ANKRD30B: variants seen among roughly 807,000 people sequenced by gnomAD.
The protein encoded by ANKRD30B is ankyrin repeat domain-containing protein 30B.
A neutral mutation model predicts 202.2 loss-of-function variants in ANKRD30B; 144 were observed. That is an observed-to-expected ratio of 0.71 (90% confidence interval 0.62 to 0.82). ANKRD30B has a LOEUF of 0.82. Ranked by LOEUF, ANKRD30B falls within the 40% of genes least tolerant of loss-of-function variation. ANKRD30B has a pLI of 0.00. For synonymous variants in ANKRD30B, 508 were observed against 561.3 expected (o/e 0.91, Z 1.34); for missense variants, 1,487 against 1,669.1 (o/e 0.89, Z 1.90).
intron 16 of ANKRD30B, among the ~76,000 whole-genome samples, 176 bp downstream of exon 16, chr18:14,791,667 T>A (rs977003554): frequency 2.6e-4 from 40 of 152,076 alleles, no homozygotes; most frequent in African/African-American, 8.5e-4. Context: ...CAGAGTATAT[T>A]GAGAGTGCTG....
chr18:14,914,189 T>A, the ANKRD30B span, among the ~76,000 whole-genome samples: 2 of 152,244 alleles, frequency 1.3e-5, no homozygotes, highest in African/African-American at 4.8e-5. Context: ...TTATTAACAT[T>A]GATAATCTTT....
chr18:14,781,619 C>A (rs1253771239), intron 11 of ANKRD30B, among the ~76,000 whole-genome samples: 1 of 23,222 alleles, frequency 4.3e-5, no homozygotes, highest in Non-Finnish European at 1.1e-4. Flanking sequence ...TGCGGCAGCA[C>A]TCCTCTCCAG....
intron 9 of ANKRD30B, among the ~76,000 whole-genome samples, chr18:14,776,666 A>C (rs1967373773): frequency 6.6e-6 from 1 of 152,252 alleles, no homozygotes; most frequent in South Asian, 2.1e-4. Context: ...GGCATATGTT[A>C]GATGTTTCAC....
chr18:14,888,774 T>A, the ANKRD30B span: 21 of 1,127,916 alleles, frequency 1.9e-5, no homozygotes, highest in African/African-American at 2.1e-4. Flanking sequence ...CTTAGAGGAA[T>A]CCCCTTTTGA....
At chr18:14,787,566 G>A (rs1161426125) in intron 15 of ANKRD30B, among the ~76,000 whole-genome samples, 2 of 152,136 alleles carry the variant, frequency 1.3e-5, no homozygotes, top group African/African-American at 4.8e-5. Context: ...TATCTTTATT[G>A]TTCAGTATAG....
At chr18:14,766,180 A>G (rs751575189) in intron 7 of ANKRD30B, among the ~76,000 whole-genome samples, 2 of 152,078 alleles carry the variant, frequency 1.3e-5, no homozygotes, top group Non-Finnish European at 2.9e-5. Flanking sequence ...GGGAAGGAGT[A>G]GAAAATTGTC....
intron 9 of ANKRD30B, among the ~76,000 whole-genome samples, chr18:14,773,497 AT>A (rs1437201639): frequency 2.0e-5 from 3 of 152,200 alleles, no homozygotes; most frequent in African/African-American, 7.2e-5. Context: ...GCTTAAATTT[AT>A]ATTTTCTTTT....
chr18:14,804,609 T>G (rs983039655), intron 24 of ANKRD30B, among the ~76,000 whole-genome samples: 2 of 150,154 alleles, frequency 1.3e-5, no homozygotes, highest in African/African-American at 4.9e-5. Flanking sequence ...TGGGAAAAAA[T>G]GTGGAAGAAG....
downstream of ANKRD30B, among the ~76,000 whole-genome samples, chr18:14,858,762 G>C (rs1249044999): frequency 7.2e-6 from 1 of 139,072 alleles, no homozygotes; most frequent in Non-Finnish European, 1.6e-5. Flanking sequence ...CTCCCAGGGG[G>C]GGCAGCCAGG....
Position 14,787,143 on chromosome 18 carries a change from A to T in ANKRD30B, c.1734+43A>T, listed in dbSNP as rs566843154. On this transcript the variant is annotated intron_variant, in intron 15 of 43. Transcript: ENST00000690538. ...TTTTTTTAAATATTAGTATTGCATG[A>T]GATGAAAACATAAAATCAGATGCTT... 959 of 1,527,822 alleles carry T rather than the reference A, an allele frequency of 6.3e-4. 13 individuals are homozygous for T. In the South Asian group the frequency reaches 0.01, roughly 16 times the overall value. 94.6% of individuals were successfully genotyped at this position (1,527,822 alleles called of 1,614,324 possible).
At chr18:14,907,340 G>A in the ANKRD30B span, among the ~76,000 whole-genome samples, 80,386 of 151,806 alleles carry the variant, frequency 0.53, 21,586 homozygotes, top group African/African-American at 0.59. Flanking sequence ...TCAAATGATA[G>A]GGTCATTGTA....
chr18:14,748,451 G>T lies in ANKRD30B; in HGVS notation c.32G>T (p.Gly11Val), dbSNP rs1399556740. ...AGGCTCTTAGCTGCCGCTGGCAAGG[G>T]CGTGCGGGGCCCGGAGCCCCCGAAC... Reference protein sequence around the residue: MKRLLAAAGKGVRGPEPPNPF... With the variant: MKRLLAAAGKVVRGPEPPNPF... Residue 11 changes from glycine to valine, a missense_variant, in exon 1 of 44, where the codon GGC becomes GTC. Physicochemically the swap from Gly to Val is moderately radical, Grantham distance 109. Transcript: ENST00000690538. The T allele has an allele frequency of 6.5e-7, 1 of 1,532,192 alleles. No homozygotes were observed. Among genetic ancestry groups the T allele is most frequent in the South Asian group, 1.2e-5 (1 of 81,804 alleles). The allele number at this position is 1,532,192 out of a possible 1,614,324, so 94.9% of individuals were successfully genotyped here.
At chr18:14,752,466 A>C in intron 1 of ANKRD30B, 100 bp from the exon 2 acceptor site, 3 of 796,086 alleles carry the variant, frequency 3.8e-6, no homozygotes, top group Non-Finnish European at 3.9e-6. Context: ...TTTTGAAGGT[A>C]GAGAAAGAGC....
chr18:14,797,146 G>A (rs1355887878), intron 18 of ANKRD30B, among the ~76,000 whole-genome samples: 1 of 152,024 alleles, frequency 6.6e-6, no homozygotes, highest in Admixed American at 6.6e-5. Context: ...CCCTAAAGAG[G>A]CCTAGAAGAG....
At chr18:14,831,513 T>C (rs2143092044) in intron 34 of ANKRD30B, 58 bp downstream of exon 34, 4 of 931,724 alleles carry the variant, frequency 4.3e-6, no homozygotes, top group African/African-American at 3.4e-5. Flanking sequence ...CTGTATAGTA[T>C]TTACTTTTCA....
At chr18:14,855,624 G>T (rs972379953), downstream of ANKRD30B, among the ~76,000 whole-genome samples, 8 of 150,880 alleles carry the variant, frequency 5.3e-5, no homozygotes, top group Admixed American at 5.3e-4. Flanking sequence ...TCACCTACCA[G>T]ATGAAGGGCA....
intron 22 of ANKRD30B, 127 bp downstream of exon 22, chr18:14,799,422 G>T: frequency 1.0e-6 from 1 of 974,084 alleles, no homozygotes; most frequent in Non-Finnish European, 1.5e-6. Context: ...ATAAAATAAT[G>T]GCAACATTAG....
the ANKRD30B span, among the ~76,000 whole-genome samples, chr18:14,867,066 C>G: frequency 1.4e-5 from 2 of 146,104 alleles, no homozygotes; most frequent in Non-Finnish European, 3.0e-5. Context: ...GGTGCAGTAC[C>G]CCGGGCGTTC....
intron 40 of ANKRD30B, 52 bp downstream of exon 40, chr18:14,848,981 T>G: frequency 2.9e-6 from 4 of 1,386,728 alleles, no homozygotes; most frequent in Non-Finnish European, 3.7e-6. Flanking sequence ...ACTAAAAGTA[T>G]GTAGGATACT....
Sources: gnomAD v4.1 joint callset for allele counts (sites outside exome capture counted in the v4.1 genomes callset) on GRCh38, gnomAD v4.1.1 for gene constraint, MANE v1.5 for transcripts, NCBI Gene and HGNC (gene_info 2026-07-23, HGNC 2026-07-21) for gene names.